Variants in LSAMP observed in about 807,000 individuals in gnomAD.
LSAMP encodes the protein limbic system associated membrane protein, also known as limbic system-associated membrane protein.
LSAMP carries 7 observed loss-of-function variants against 38.6 expected under a neutral mutation model. The observed-to-expected ratio is 0.18, with a 90% CI of 0.10 to 0.34. The LOEUF is 0.34. Ranked by LOEUF, LSAMP falls within the 10% of genes least tolerant of loss-of-function variation. The probability of loss-of-function intolerance (pLI) is 1.00; values close to 1 mark genes in which losing one functional copy is unlikely to be tolerated. For synonymous variants in LSAMP, 154 were observed against 166.8 expected (o/e 0.92, Z 0.59); for missense variants, 313 against 420.0 (o/e 0.75, Z 2.23).
At chr3:116,152,889 T>C (rs1709644005) in intron 1 of LSAMP, among the ~76,000 whole-genome samples, 1 of 152,094 alleles carries the variant, frequency 6.6e-6, no homozygotes, top group African/African-American at 2.4e-5. Flanking sequence ...ATTTCACTAA[T>C]CATTACTTAC....
chr3:116,330,776 A>G (rs1194072205), intron 1 of LSAMP, among the ~76,000 whole-genome samples: 1 of 152,144 alleles, frequency 6.6e-6, no homozygotes, highest in African/African-American at 2.4e-5. Flanking sequence ...ACCAATAAAC[A>G]AAAACATCAA....
At chr3:116,354,075 G>C (rs541930494) in intron 1 of LSAMP, among the ~76,000 whole-genome samples, 1 of 152,066 alleles carries the variant, frequency 6.6e-6, no homozygotes, top group African/African-American at 2.4e-5. Flanking sequence ...CTTGAAGCTG[G>C]AGTCACTTAA....
chr3:116,325,696 T>A (rs962796243), intron 1 of LSAMP, among the ~76,000 whole-genome samples: 2 of 152,196 alleles, frequency 1.3e-5, no homozygotes, highest in Non-Finnish European at 2.9e-5. Flanking sequence ...TTTCTCTTTA[T>A]GTACACTTCA....
rs1312192066 is a variant in LSAMP, at chr3:115,804,463, A to G, written c.*5854T>C. 1 of 152,206 alleles carries G rather than the reference A, an allele frequency of 6.6e-6. No homozygotes were observed. Among genetic ancestry groups the G allele is most frequent in the Non-Finnish European group, 1.5e-5 (1 of 68,022 alleles). 9.4% of individuals were successfully genotyped at this position (152,206 alleles called of 1,614,324 possible). A position where few individuals can be genotyped will look rare whatever the true frequency, so the allele number is the denominator to read the frequency against. ...CCCAATTCTCCTGACTCCCAATTCAATACACCTTCTACCTCACTTTAAAGT... is the reference window on the plus strand; with the variant it reads ...CCCAATTCTCCTGACTCCCAATTCAGTACACCTTCTACCTCACTTTAAAGT... On this transcript the variant is annotated 3_prime_UTR_variant, in exon 7 of 7. Transcript: ENST00000490035.
chr3:116,271,016 A>T (rs2046965078), intron 1 of LSAMP, among the ~76,000 whole-genome samples: 1 of 152,116 alleles, frequency 6.6e-6, no homozygotes, highest in Non-Finnish European at 1.5e-5. Context: ...AACATGCTAG[A>T]AGTGAGTCCT....
At chr3:116,012,564 G>A (rs958156658) in intron 3 of LSAMP, among the ~76,000 whole-genome samples, 6 of 152,134 alleles carry the variant, frequency 3.9e-5, no homozygotes, top group Admixed American at 6.6e-5. Context: ...AGAGACTGTC[G>A]TTGTCATGGC....
intron 2 of LSAMP, among the ~76,000 whole-genome samples, chr3:116,071,319 C>T (rs1707601333): frequency 6.7e-6 from 1 of 148,810 alleles, no homozygotes; most frequent in Non-Finnish European, 1.5e-5. Context: ...AGGTTATCCT[C>T]TTAATAATCA....
intron 1 of LSAMP, among the ~76,000 whole-genome samples, chr3:116,120,760 T>C (rs10212349): frequency 0.13 from 19,455 of 152,020 alleles, 4,047 homozygotes; most frequent in African/African-American, 0.44. Flanking sequence ...TTATAATAAA[T>C]ACATGCAAAG....
At chr3:116,252,565 G>C (rs972264068) in intron 1 of LSAMP, among the ~76,000 whole-genome samples, 2 of 152,132 alleles carry the variant, frequency 1.3e-5, no homozygotes, top group African/African-American at 4.8e-5. Flanking sequence ...CGTGATGATG[G>C]GTGGTTCATT....
intron 3 of LSAMP, among the ~76,000 whole-genome samples, chr3:115,929,969 T>A (rs1421210066): frequency 6.6e-6 from 1 of 150,592 alleles, no homozygotes; most frequent in Non-Finnish European, 1.5e-5. Flanking sequence ...ATACAATAAA[T>A]GTTTATTATC....
chr3:116,408,924 G>A (rs922682173), intron 1 of LSAMP, among the ~76,000 whole-genome samples: 2 of 152,006 alleles, frequency 1.3e-5, no homozygotes, highest in African/African-American at 4.8e-5. Context: ...GCCTACCCAT[G>A]CGGACTGCAG....
chr3:116,264,548 G>T (rs1357613726), intron 1 of LSAMP, among the ~76,000 whole-genome samples: 1 of 152,120 alleles, frequency 6.6e-6, no homozygotes, highest in Admixed American at 6.6e-5. Context: ...CAAAAAATAA[G>T]AGAGTTAAGG....
chr3:116,135,330 GT>G (rs1444251546), intron 1 of LSAMP, among the ~76,000 whole-genome samples: 2 of 152,154 alleles, frequency 1.3e-5, no homozygotes, highest in Non-Finnish European at 2.9e-5. Flanking sequence ...TGCTTACTAT[GT>G]ACAAGGCATT....
chr3:116,167,045 C>G (rs1271131252), intron 1 of LSAMP, among the ~76,000 whole-genome samples: 1 of 152,062 alleles, frequency 6.6e-6, no homozygotes, highest in Non-Finnish European at 1.5e-5. Context: ...CCCGCCTTGG[C>G]CTCCCAAAGT....
At chr3:116,395,187 G>T (rs975554847) in intron 1 of LSAMP, among the ~76,000 whole-genome samples, 6 of 152,176 alleles carry the variant, frequency 3.9e-5, no homozygotes, top group Admixed American at 2.6e-4. Context: ...CTTCAAAGGA[G>T]CATGAATAAT....
chr3:116,156,301 C>T (rs1709745785), intron 1 of LSAMP, among the ~76,000 whole-genome samples: 1 of 152,140 alleles, frequency 6.6e-6, no homozygotes, highest in Admixed American at 6.6e-5. Context: ...CTGCTGAAAT[C>T]CTAACGTTGA....
At chr3:115,911,473 T>C (rs952432717) in intron 3 of LSAMP, among the ~76,000 whole-genome samples, 1 of 152,158 alleles carries the variant, frequency 6.6e-6, no homozygotes, top group Non-Finnish European at 1.5e-5. Context: ...TCCTCCCACC[T>C]CCTGAGTAGC....
At chr3:116,413,881 T>G (rs2049012841) in intron 1 of LSAMP, among the ~76,000 whole-genome samples, 1 of 147,482 alleles carries the variant, frequency 6.8e-6, no homozygotes, top group Non-Finnish European at 1.5e-5. Context: ...AACAGTCACC[T>G]GGTAGTCTCA....
chr3:116,019,529 T>A lies in LSAMP; in HGVS notation c.500A>T (p.His167Leu). 6.2e-7 allele frequency: 1 copy of A among 1,612,296 alleles called. No homozygotes were observed. The highest frequency in any genetic ancestry group is 2.2e-5 in the East Asian group (1 of 44,794). Residue 167 changes from histidine (H) to leucine (L), a missense_variant, in exon 3 of 7, where the codon CAC becomes CTC. By Grantham distance (99) the His-to-Leu change is moderately conservative. Coordinates refer to ENST00000490035, the MANE Select transcript of LSAMP (RefSeq NM_002338.5). ...GRPEPVITWR[H>L]LTPTGREFEG... Reference sequence around the variant, plus strand: ...GTATTGCTTACCAGTTGGTGTAAGGTGTCTCCAGGTGATAACAGGTTCAGG... The same window carrying A: ...GTATTGCTTACCAGTTGGTGTAAGGAGTCTCCAGGTGATAACAGGTTCAGG...
Sources: gnomAD v4.1 joint callset for allele counts (sites outside exome capture counted in the v4.1 genomes callset) on GRCh38, gnomAD v4.1.1 for gene constraint, MANE v1.5 for transcripts, NCBI Gene and HGNC (gene_info 2026-07-23, HGNC 2026-07-21) for gene names.